PFKFB4: variants seen among roughly 807,000 people sequenced by gnomAD.
PFKFB4 encodes the protein 6-phosphofructo-2-kinase/fructose-2,6-bisphosphatase 4.
Under a neutral mutation model 62.8 loss-of-function variants are expected in PFKFB4, and 42 were observed. The ratio of observed to expected loss-of-function variants is 0.67; its 90% CI spans 0.52 to 0.86. The LOEUF is 0.86. Ranked by LOEUF, PFKFB4 falls within the 40% of genes least tolerant of loss-of-function variation. The pLI is 0.00. For synonymous variants in PFKFB4, 204 were observed against 240.7 expected (o/e 0.85, Z 1.41); for missense variants, 475 against 627.2 (o/e 0.76, Z 2.59).
intron 7 of PFKFB4, among the ~76,000 whole-genome samples, chr3:48,537,250 C>T (rs2042650194): frequency 6.6e-6 from 1 of 152,122 alleles, no homozygotes; most frequent in Non-Finnish European, 1.5e-5. Context: ...GGGGGTGTCA[C>T]GATGACACCA....
chr3:48,540,322 C>T (rs1355121460), intron 4 of PFKFB4, among the ~76,000 whole-genome samples: 2 of 152,186 alleles, frequency 1.3e-5, no homozygotes, highest in Non-Finnish European at 2.9e-5. Flanking sequence ...CAGGTGCTGG[C>T]CAACCAGAGC....
At chr3:48,558,977 T>C (rs997484244), upstream of PFKFB4, among the ~76,000 whole-genome samples, 1 of 152,224 alleles carries the variant, frequency 6.6e-6, no homozygotes, top group Non-Finnish European at 1.5e-5. Flanking sequence ...CAGCACTCAT[T>C]GCAAAAGCTA....
upstream of PFKFB4, chr3:48,556,950 G>C (rs954865409): frequency 7.2e-7 from 1 of 1,396,746 alleles, no homozygotes; most frequent in Non-Finnish European, 9.3e-7. This position sits in a 1 kb window ranked among gnomAD's most constrained non-coding sequence, Gnocchi z 5.7. Flanking sequence ...AGCTGAAAGG[G>C]GCCCGGCCTC....
intron 13 of PFKFB4, among the ~76,000 whole-genome samples, chr3:48,520,215 C>T (rs921962263): frequency 2.0e-5 from 3 of 152,126 alleles, no homozygotes; most frequent in Admixed American, 6.6e-5. Context: ...AGTGTTGGCA[C>T]GCAGGTGTCA....
chr3:48,552,140 T>C (rs2107595113), intron 1 of PFKFB4, among the ~76,000 whole-genome samples: 1 of 152,344 alleles, frequency 6.6e-6, no homozygotes, highest in East Asian at 1.9e-4. Flanking sequence ...TTGGGAACTC[T>C]GAGCCTCGGT....
At chr3:48,552,320 G>A (rs1288182536) in intron 1 of PFKFB4, among the ~76,000 whole-genome samples, 3 of 152,250 alleles carry the variant, frequency 2.0e-5, no homozygotes, top group African/African-American at 7.2e-5. Context: ...CATGGAGGCG[G>A]TGGCCTGGCC....
At chr3:48,545,943 G>C (rs992851586) in intron 3 of PFKFB4, among the ~76,000 whole-genome samples, 1 of 152,316 alleles carries the variant, frequency 6.6e-6, no homozygotes, top group Non-Finnish European at 1.5e-5. Context: ...CTCTGGCCAT[G>C]ACACCACCAT....
At chr3:48,561,442 A>G (rs1422585404), upstream of PFKFB4, 2 of 158,580 alleles carry the variant, frequency 1.3e-5, no homozygotes, top group East Asian at 3.8e-4. The surrounding 1 kb of genome is among the most constrained non-coding windows in gnomAD (Gnocchi z 5.2). Flanking sequence ...GCCCGTCCAC[A>G]CTGCCTGGAA....
rs1161116181 is a variant in PFKFB4, at chr3:48,535,667, C to T, written c.841-9G>A. On this transcript the variant is annotated splice_polypyrimidine_tract_variant and intron_variant, in intron 8 of 13. Coordinates refer to ENST00000232375, the MANE Select transcript of PFKFB4 (RefSeq NM_004567.4). ...GCTAGACTCTTGGCAAACTGAAATA[C>T]ATCATAAGCAAACTCAGACCCACAG... The T allele has an allele frequency of 2.5e-6, 4 of 1,614,086 alleles. No individual in the cohort carries two copies. The Admixed American group carries it at 6.7e-5, about 27-fold the overall frequency.
At chr3:48,561,174 G>T, upstream of PFKFB4, 1 of 983,368 alleles carries the variant, frequency 1.0e-6, no homozygotes, top group Non-Finnish European at 1.4e-6. The surrounding 1 kb of genome is among the most constrained non-coding windows in gnomAD (Gnocchi z 5.2). Flanking sequence ...GGGTAACCCC[G>T]CCTAGCACTC....
At chr3:48,531,978 C>T (rs962984198) in intron 9 of PFKFB4, among the ~76,000 whole-genome samples, 1 of 152,128 alleles carries the variant, frequency 6.6e-6, no homozygotes, top group Admixed American at 6.5e-5. Context: ...AATGATGCAG[C>T]TGCTATGGGA....
At chr3:48,545,837 A>AT (rs2042944718) in intron 3 of PFKFB4, among the ~76,000 whole-genome samples, 1 of 152,164 alleles carries the variant, frequency 6.6e-6, no homozygotes, top group Non-Finnish European at 1.5e-5. Context: ...CTCATGCCAA[A>AT]AACATCTGAA....
chr3:48,536,172 C>T, intron 8 of PFKFB4, 84 bp downstream of exon 8: 1 of 1,153,462 alleles, frequency 8.7e-7, no homozygotes, highest in Non-Finnish European at 1.3e-6. Flanking sequence ...GAGCCTAGCC[C>T]CAGCGCACTC....
intron 9 of PFKFB4, chr3:48,525,919 C>T (rs2042243390): frequency 3.3e-6 from 1 of 302,728 alleles, no homozygotes; most frequent in East Asian, 5.7e-5. Context: ...CACAGAGATG[C>T]TATGTGTTTT....
intron 4 of PFKFB4, among the ~76,000 whole-genome samples, chr3:48,543,082 G>T (rs1356184044): frequency 6.6e-6 from 1 of 152,112 alleles, no homozygotes; most frequent in Non-Finnish European, 1.5e-5. Context: ...GGAAAGAACA[G>T]CCCCTGTGTT....
chr3:48,533,852 C>T (rs1342251966), intron 9 of PFKFB4, among the ~76,000 whole-genome samples: 3 of 152,068 alleles, frequency 2.0e-5, no homozygotes, highest in African/African-American at 7.2e-5. Flanking sequence ...AAACCTCCGT[C>T]TCAAAAAAAT....
At chr3:48,562,639 G>T, upstream of PFKFB4, 1 of 747,424 alleles carries the variant, frequency 1.3e-6, no homozygotes, top group Non-Finnish European at 2.1e-6. This position sits in a 1 kb window ranked among gnomAD's most constrained non-coding sequence, Gnocchi z 4.3. Context: ...GTGGCTCCAT[G>T]TGGCAGTGTC....
Position 48,536,444 on chromosome 3 carries a change from T to G in PFKFB4, c.652A>C (p.Ile218Leu), listed in dbSNP as rs2042619235. Residue 218 changes from isoleucine to leucine, a missense_variant, in exon 8 of 14, where the codon ATC becomes CTC. Transcript: ENST00000232375. ...ACGTAGCTCTGGCCCACATCCATGA[T>G]CTTGATATAGGACAGGTCCCTGTCC... ...DLDRDLSYIKIMDVGQSYVVN... is the reference protein window; with the variant it reads ...DLDRDLSYIKLMDVGQSYVVN... The G allele has an allele frequency of 1.2e-6, 2 of 1,613,658 alleles. No homozygotes were observed. The highest frequency in any genetic ancestry group is 1.7e-6 in the Non-Finnish European group (2 of 1,179,580).
chr3:48,523,929 A>C, intron 10 of PFKFB4, 99 bp from the exon 11 acceptor site: 2 of 1,325,972 alleles, frequency 1.5e-6, no homozygotes, highest in Non-Finnish European at 2.1e-6. Context: ...GCAGCTACTC[A>C]CCATTCTGGG....
Sources: allele counts gnomAD v4.1 joint callset (sites outside exome capture counted in the v4.1 genomes callset), GRCh38; gene constraint gnomAD v4.1.1; non-coding constraint Gnocchi (gnomAD v3.1); transcripts MANE v1.5; gene names NCBI Gene and HGNC (gene_info 2026-07-23, HGNC 2026-07-21).